Variants in DYM observed in about 807,000 individuals in gnomAD.
The protein encoded by DYM is dymeclin, also known as dyggve-Melchior-Clausen syndrome protein.
Under a neutral mutation model 93.1 loss-of-function variants are expected in DYM, and 78 were observed. The ratio of observed to expected loss-of-function variants is 0.84; its 90% CI spans 0.70 to 1.01. DYM has a LOEUF of 1.01. Ranked by LOEUF, DYM falls within the 50% of genes least tolerant of loss-of-function variation. DYM has a pLI of 0.00. For synonymous variants in DYM, 321 were observed against 319.7 expected, an observed-to-expected ratio of 1.00 and a Z score of -0.04; for missense variants, 789 against 845.0, an observed-to-expected ratio of 0.93 and a Z score of 0.82.
At chr18:49,449,062 T>G (rs2082322714) in intron 1 of DYM, among the ~76,000 whole-genome samples, 1 of 152,056 alleles carries the variant, frequency 6.6e-6, no homozygotes, top group East Asian at 1.9e-4. Flanking sequence ...CTCCAAAATT[T>G]CCCACTCCCC....
rs146241044 is a variant in DYM, at chr18:49,156,614, C to A, written c.1728+7071G>T. Reference sequence around the variant, plus strand: ...GGGCGTGGTGGTGCATGCCTATAGTCCCAGCTACTTGGGAGGCTGAGGCAG... The same window carrying A: ...GGGCGTGGTGGTGCATGCCTATAGTACCAGCTACTTGGGAGGCTGAGGCAG... On this transcript the variant is annotated intron_variant, in intron 15 of 17. Coordinates refer to ENST00000675505, the MANE Select transcript of DYM (RefSeq NM_001353214.3). Among the ~76,000 whole-genome samples, 455 of 151,738 alleles carry A rather than the reference C, an allele frequency of 3.0e-3. 3 individuals carry two copies. Among genetic ancestry groups the A allele is most frequent in the African/African-American group, 0.01 (422 of 41,358 alleles).
At chr18:49,349,831 C>A (rs1036334171) in intron 6 of DYM, among the ~76,000 whole-genome samples, 3 of 152,098 alleles carry the variant, frequency 2.0e-5, no homozygotes, top group African/African-American at 7.2e-5. Flanking sequence ...GTGGCACACA[C>A]CTGTAGTCCC....
chr18:49,361,935 A>C (rs953496011), intron 6 of DYM, among the ~76,000 whole-genome samples: 5 of 152,086 alleles, frequency 3.3e-5, no homozygotes, highest in Non-Finnish European at 5.9e-5. Flanking sequence ...CATGTTGGCC[A>C]GGCTGGTCGT....
intron 8 of DYM, among the ~76,000 whole-genome samples, chr18:49,323,014 T>C (rs555905531): frequency 6.6e-6 from 1 of 152,296 alleles, no homozygotes; most frequent in East Asian, 1.9e-4. Flanking sequence ...GTCCAGTACG[T>C]CCCTCTTCTG....
At chr18:49,405,965 G>A (rs966410774) in intron 2 of DYM, among the ~76,000 whole-genome samples, 1 of 151,994 alleles carries the variant, frequency 6.6e-6, no homozygotes, top group African/African-American at 2.4e-5. Context: ...GTATTCCTAG[G>A]TATTTTCTTT....
At position 49,097,321 on chromosome 18, in the gene DYM, C is replaced by G. The variant is rs2079632913; in HGVS notation, c.2025+81G>C. The G allele has an allele frequency of 1.7e-5, 21 of 1,272,208 alleles. No individual in the cohort carries two copies. The East Asian group carries it at 4.9e-4, about 30-fold the overall frequency. 78.8% of individuals were successfully genotyped at this position (1,272,208 alleles called of 1,614,324 possible). A position where few individuals can be genotyped will look rare whatever the true frequency, so the allele number is the denominator to read the frequency against. ...TATGTACTGGATAAGCAGCATGATTCTGGATAGGGTCTGCTAAGACACTAA... is the reference window on the plus strand; with the variant it reads ...TATGTACTGGATAAGCAGCATGATTGTGGATAGGGTCTGCTAAGACACTAA... On this transcript the variant is annotated intron_variant, in intron 17 of 17. Transcript: ENST00000675505.
intron 15 of DYM, among the ~76,000 whole-genome samples, chr18:49,157,065 C>T (rs1490104958): frequency 2.6e-5 from 4 of 152,034 alleles, no homozygotes; most frequent in Admixed American, 1.3e-4. Flanking sequence ...CTGGACATGC[C>T]TGACCTTGGG....
intron 5 of DYM, among the ~76,000 whole-genome samples, chr18:49,374,689 T>G (rs773723346): frequency 6.6e-6 from 1 of 152,220 alleles, no homozygotes; most frequent in Non-Finnish European, 1.5e-5. Flanking sequence ...CCAGGCCCAG[T>G]GGCTCACACC....
chr18:49,312,540 A>G lies in DYM; in HGVS notation c.763+19324T>C, dbSNP rs539542412. On this transcript the variant is annotated intron_variant, in intron 8 of 17. Transcript: ENST00000675505. ...ACACAGGGAGAACTTTCCCACCTTC[A>G]GGTAAAGGAAGCATCCCCTATGCAT... Among the ~76,000 whole-genome samples the G allele has an allele frequency of 2.0e-5, 3 of 152,276 alleles. No individual in the cohort carries two copies. In the South Asian group the frequency reaches 6.2e-4, roughly 32 times the overall value.
chr18:49,442,428 A>G (rs2081721782), intron 1 of DYM, among the ~76,000 whole-genome samples: 2 of 151,942 alleles, frequency 1.3e-5, no homozygotes, highest in South Asian at 2.1e-4. Context: ...GTGCACGCCT[A>G]TAGTTCCTGC....
chr18:49,198,028 C>G lies in DYM; in HGVS notation c.1625+11523G>C, dbSNP rs181395146. On this transcript the variant is annotated intron_variant, in intron 14 of 17. Coordinates refer to ENST00000675505, the MANE Select transcript of DYM (RefSeq NM_001353214.3). The stretch of plus-strand genomic sequence containing the variant: ...AAACAGCATGGTACTGGTACCAAAA[C>G]AGAGATATAGACCAATGGAACAGAA... Among the ~76,000 whole-genome samples the G allele has an allele frequency of 3.3e-4, 50 of 152,286 alleles. No homozygotes were observed. The South Asian group carries it at 5.2e-3, about 16-fold the overall frequency.
At chr18:49,224,183 T>C (rs1481234625) in intron 13 of DYM, among the ~76,000 whole-genome samples, 1 of 152,060 alleles carries the variant, frequency 6.6e-6, no homozygotes, top group Non-Finnish European at 1.5e-5. Flanking sequence ...GTTTCTGGCA[T>C]GCATAAATGG....
At chr18:49,153,233 A>AT (rs1188765907) in intron 15 of DYM, among the ~76,000 whole-genome samples, 1 of 152,190 alleles carries the variant, frequency 6.6e-6, no homozygotes, top group African/African-American at 2.4e-5. Context: ...AAAATATACA[A>AT]TTTTTTATTT....
In DYM at chr18:49,350,616, G is replaced by C. The variant is rs757943703; in HGVS notation, c.494+12545C>G. ...AGCTACCTGGGAGGCTGAGGCAGGAGAATCATTTAAACCTGGGAGGCGGAG... is the reference window on the plus strand; with the variant it reads ...AGCTACCTGGGAGGCTGAGGCAGGACAATCATTTAAACCTGGGAGGCGGAG... On this transcript the variant is annotated intron_variant, in intron 6 of 17. Transcript: ENST00000675505. Among the ~76,000 whole-genome samples, 98 of 149,232 alleles carry C rather than the reference G, an allele frequency of 6.6e-4. 1 individual carries two copies. The highest frequency in any genetic ancestry group is 1.1e-3 in the Non-Finnish European group (71 of 67,574).
At chr18:49,368,493 GT>G (rs1396055424) in intron 5 of DYM, 1 of 152,072 alleles carries the variant, frequency 6.6e-6, no homozygotes, top group Non-Finnish European at 1.5e-5. Flanking sequence ...ATATGGGTTT[GT>G]TTTTTGCATT....
chr18:49,291,246 T>C (rs1009959060), intron 8 of DYM, among the ~76,000 whole-genome samples: 2 of 152,230 alleles, frequency 1.3e-5, no homozygotes, highest in Non-Finnish European at 2.9e-5. Flanking sequence ...AAACGTTTTG[T>C]TTCTGCCGAA....
chr18:49,138,418 C>G (rs574046994), intron 15 of DYM, among the ~76,000 whole-genome samples: 2 of 152,314 alleles, frequency 1.3e-5, no homozygotes, highest in African/African-American at 4.8e-5. Flanking sequence ...GATCCCAGAA[C>G]AGTTGCTATC....
At chr18:49,336,294 T>C (rs1162314561) in intron 6 of DYM, among the ~76,000 whole-genome samples, 1 of 152,182 alleles carries the variant, frequency 6.6e-6, no homozygotes, top group Non-Finnish European at 1.5e-5. Context: ...AGGGAAAGAA[T>C]ACGTATTTAG....
chr18:49,234,343 G>T (rs566654198), intron 13 of DYM, among the ~76,000 whole-genome samples: 75 of 152,098 alleles, frequency 4.9e-4, no homozygotes, highest in Non-Finnish European at 9.4e-4. Context: ...TGTAGTCCTG[G>T]CTACTTGGGA....
Sources: gnomAD v4.1 joint callset for allele counts (sites outside exome capture counted in the v4.1 genomes callset) on GRCh38, gnomAD v4.1.1 for gene constraint, MANE v1.5 for transcripts, NCBI Gene and HGNC (gene_info 2026-07-23, HGNC 2026-07-21) for gene names.